Variants in COL23A1 observed in about 807,000 individuals in gnomAD.
COL23A1 encodes collagen alpha-1(XXIII) chain.
In COL23A1, 97 loss-of-function variants were observed where a neutral mutation model predicts 99.3. That is an observed-to-expected ratio of 0.98 (90% CI 0.83 to 1.16). The LOEUF (loss-of-function observed/expected upper bound fraction) is 1.16. Among genes scored for constraint, COL23A1 ranks in the 50% most tolerant of loss-of-function variants. The pLI, the probability that COL23A1 is intolerant of heterozygous loss-of-function variation, is 0.00. For synonymous variants in COL23A1, 320 were observed against 308.2 expected, an observed-to-expected ratio of 1.04 and a Z score of -0.40; for missense variants, 762 against 757.4, an observed-to-expected ratio of 1.01 and a Z score of -0.07.
intron 2 of COL23A1, among the ~76,000 whole-genome samples, chr5:178,553,722 A>G (rs1762127073): frequency 6.6e-6 from 1 of 152,094 alleles, no homozygotes; most frequent in Non-Finnish European, 1.5e-5. Flanking sequence ...ACGGCCACAC[A>G]CTTTCCTTTT....
intron 2 of COL23A1, among the ~76,000 whole-genome samples, chr5:178,502,861 C>A (rs1190602693): frequency 6.6e-6 from 1 of 152,188 alleles, no homozygotes; most frequent in Non-Finnish European, 1.5e-5. Context: ...CCGAAGTCCA[C>A]CATCACGCCC....
At chr5:178,368,631 G>A (rs919040389) in intron 2 of COL23A1, among the ~76,000 whole-genome samples, 1 of 152,208 alleles carries the variant, frequency 6.6e-6, no homozygotes, top group Non-Finnish European at 1.5e-5. Context: ...ACTTGAGCAG[G>A]GGAAGAGTGG....
chr5:178,325,883 G>A (rs967714202), intron 2 of COL23A1, among the ~76,000 whole-genome samples: 1 of 152,082 alleles, frequency 6.6e-6, no homozygotes, highest in African/African-American at 2.4e-5. Flanking sequence ...TTTAACTGTC[G>A]TGCCTGCGCT....
At chr5:178,519,974 G>A (rs1333005985) in intron 2 of COL23A1, among the ~76,000 whole-genome samples, 1 of 152,044 alleles carries the variant, frequency 6.6e-6, no homozygotes, top group Non-Finnish European at 1.5e-5. Flanking sequence ...ATGCATGGGT[G>A]GACAGATGAA....
intron 2 of COL23A1, among the ~76,000 whole-genome samples, chr5:178,380,393 T>TTG (rs112420315): frequency 0.35 from 51,613 of 146,952 alleles, 9,282 homozygotes; most frequent in Middle Eastern, 0.44. Flanking sequence ...GAGCATGCAT[T>TTG]TGTGTGTGTG....
intron 2 of COL23A1, among the ~76,000 whole-genome samples, chr5:178,517,390 G>A (rs1435741536): frequency 6.6e-6 from 1 of 152,252 alleles, no homozygotes; most frequent in East Asian, 1.9e-4. Flanking sequence ...CACGGGCACT[G>A]TGGAGGGAGA....
In COL23A1 at chr5:178,357,958, GTGTGTA is replaced by G. The variant is rs796455530; in HGVS notation, c.362-51045_362-51040del. Among the ~76,000 whole-genome samples, 652 of 149,678 alleles carry G rather than the reference GTGTGTA, an allele frequency of 4.4e-3. 3 individuals carry two copies. Among genetic ancestry groups the G allele is most frequent in the African/African-American group, 0.013 (551 of 41,016 alleles). On this transcript the variant is annotated intron_variant, in intron 2 of 28. Coordinates refer to ENST00000390654, the MANE Select transcript of COL23A1 (RefSeq NM_173465.4). ...TGTATGTATGTGTGTGTATGTATAT[GTGTGTA>G]TGTGTATGTGTATATATGTGTGTAT...
chr5:178,403,846 C>T (rs116016236), intron 2 of COL23A1, among the ~76,000 whole-genome samples: 2,420 of 152,314 alleles, frequency 0.016, 31 homozygotes, highest in Non-Finnish European at 0.024. Context: ...GATCTGAAGG[C>T]GCTTGTGAGC....
At chr5:178,540,370 T>C (rs1310979946) in intron 2 of COL23A1, among the ~76,000 whole-genome samples, 1 of 152,186 alleles carries the variant, frequency 6.6e-6, no homozygotes, top group Non-Finnish European at 1.5e-5. Context: ...TTTAAAAATA[T>C]TATTATTTAA....
At chr5:178,331,216 T>C (rs1384120767) in intron 2 of COL23A1, among the ~76,000 whole-genome samples, 1 of 152,160 alleles carries the variant, frequency 6.6e-6, no homozygotes, top group African/African-American at 2.4e-5. Flanking sequence ...GGCTTGTGGG[T>C]GGCTCTGTGT....
Position 178,384,590 on chromosome 5 carries a change from T to C in COL23A1, c.362-77671A>G, listed in dbSNP as rs73803005. 0.011 allele frequency among the ~76,000 whole-genome samples: 1,726 copies of C among 152,186 alleles called. 40 individuals carry two copies. The highest frequency in any genetic ancestry group is 0.039 in the African/African-American group (1,605 of 41,526). ...CTCCCTGCTCCTGCGCTGATTCTGCTCCTGCCTCAGAGATCACGGTTTGAC... is the reference window on the plus strand; with the variant it reads ...CTCCCTGCTCCTGCGCTGATTCTGCCCCTGCCTCAGAGATCACGGTTTGAC... On this transcript the variant is annotated intron_variant, in intron 2 of 28. Transcript: ENST00000390654. This position sits in a 1 kb window ranked among gnomAD's most constrained non-coding sequence, Gnocchi z 5.5.
chr5:178,514,088 C>T (rs1335240172), intron 2 of COL23A1, among the ~76,000 whole-genome samples: 1 of 152,160 alleles, frequency 6.6e-6, no homozygotes, highest in Non-Finnish European at 1.5e-5. Flanking sequence ...CAGCCCCTGG[C>T]ACCCACCATT....
At chr5:178,484,266 G>A (rs546624064) in intron 2 of COL23A1, among the ~76,000 whole-genome samples, 1 of 152,114 alleles carries the variant, frequency 6.6e-6, no homozygotes, top group South Asian at 2.1e-4. Flanking sequence ...TCTGTTTTGG[G>A]GATTATTCTA....
intron 2 of COL23A1, among the ~76,000 whole-genome samples, chr5:178,341,157 G>T (rs564522718): frequency 1.3e-5 from 2 of 152,176 alleles, no homozygotes; most frequent in Non-Finnish European, 1.5e-5. Context: ...TTGAGACAGG[G>T]TCTCTGTCAC....
At chr5:178,548,627 C>A (rs626470) in intron 2 of COL23A1, among the ~76,000 whole-genome samples, 90,009 of 150,224 alleles carry the variant, frequency 0.6, 28,721 homozygotes, top group East Asian at 0.82. Flanking sequence ...ATCTCGGCTC[C>A]CTGCAACCTC....
At position 178,299,817 on chromosome 5, in the gene COL23A1, G is replaced by A. The variant is rs565508179; in HGVS notation, c.406+7058C>T. ...CACCCAGGCTGGAGTGCAGTGGCACGATCTCGGCTCACTGCAACCTCTGCC... is the reference window on the plus strand; with the variant it reads ...CACCCAGGCTGGAGTGCAGTGGCACAATCTCGGCTCACTGCAACCTCTGCC... On this transcript the variant is annotated intron_variant, in intron 3 of 28. Transcript: ENST00000390654. 4.3e-4 allele frequency among the ~76,000 whole-genome samples: 66 copies of A among 152,086 alleles called. 1 individual carries two copies. The South Asian group carries it at 0.012, about 28-fold the overall frequency.
intron 1 of COL23A1, among the ~76,000 whole-genome samples, chr5:178,587,235 G>A (rs1355926824): frequency 1.3e-5 from 2 of 152,142 alleles, no homozygotes; most frequent in Non-Finnish European, 2.9e-5. Flanking sequence ...GTGAAGATAC[G>A]ATCGTTCATG....
intron 2 of COL23A1, among the ~76,000 whole-genome samples, chr5:178,312,338 ACT>A (rs1758740621): frequency 6.6e-6 from 1 of 151,894 alleles, no homozygotes; most frequent in African/African-American, 2.4e-5. Flanking sequence ...TTGCCCAATG[ACT>A]CTGGACGTCT....
intron 1 of COL23A1, among the ~76,000 whole-genome samples, chr5:178,587,813 T>C (rs771486742): frequency 4.6e-5 from 7 of 152,186 alleles, no homozygotes; most frequent in Admixed American, 4.6e-4. Context: ...CCAGGCTGTG[T>C]ACATTTCCCA....
Sources: gnomAD v4.1 joint callset for allele counts (sites outside exome capture counted in the v4.1 genomes callset) on GRCh38, gnomAD v4.1.1 for gene constraint, Gnocchi (gnomAD v3.1) non-coding constraint, MANE v1.5 for transcripts, NCBI Gene and HGNC (gene_info 2026-07-23, HGNC 2026-07-21) for gene names.